The following ATP10B variants were observed in gnomAD, a reference collection of about 807,000 sequenced individuals.
The protein encoded by ATP10B is ATPase phospholipid transporting 10B (putative).
ATP10B carries 122 observed loss-of-function variants against 141.2 expected under a neutral mutation model. That is an observed-to-expected ratio of 0.86 (90% CI 0.75 to 1.00). The LOEUF (loss-of-function observed/expected upper bound fraction) is 1.00. Ranked by LOEUF, ATP10B falls within the 50% of genes least tolerant of loss-of-function variation. ATP10B has a pLI of 0.00. For synonymous variants in ATP10B, 685 were observed against 692.0 expected (o/e 0.99, Z 0.16); for missense variants, 1,876 against 1,825.3 (o/e 1.03, Z -0.51).
At chr5:160,747,958 A>C (rs1767911446) in intron 2 of ATP10B, among the ~76,000 whole-genome samples, 1 of 141,030 alleles carries the variant, frequency 7.1e-6, no homozygotes, top group Non-Finnish European at 1.5e-5. Context: ...GGCTCCCAGG[A>C]TGAAGAGGTA....
the ATP10B span, among the ~76,000 whole-genome samples, chr5:160,911,697 TAA>T: frequency 3.9e-5 from 6 of 152,336 alleles, no homozygotes; most frequent in East Asian, 1.2e-3. Context: ...CTTATGATAA[TAA>T]AGTTTCTTTT....
chr5:160,735,530 C>T (rs756755369), intron 2 of ATP10B, among the ~76,000 whole-genome samples: 2 of 151,940 alleles, frequency 1.3e-5, no homozygotes, highest in South Asian at 2.1e-4. Context: ...GAGAGATAGA[C>T]CCCAATACAA....
upstream of ATP10B, among the ~76,000 whole-genome samples, chr5:160,855,893 T>A (rs569544478): frequency 1.1e-4 from 17 of 151,782 alleles, no homozygotes; most frequent in Admixed American, 8.6e-4. Flanking sequence ...AAAAAAAAAA[T>A]TAGTTGCATA....
chr5:160,850,381 G>A (rs751996137), intron 1 of ATP10B, among the ~76,000 whole-genome samples: 13 of 152,164 alleles, frequency 8.5e-5, no homozygotes, highest in South Asian at 6.2e-4. Flanking sequence ...CTGAGATTGC[G>A]CCACTGCACG....
chr5:160,894,902 A>G, the ATP10B span, among the ~76,000 whole-genome samples: 5 of 152,258 alleles, frequency 3.3e-5, no homozygotes, highest in Admixed American at 6.5e-5. Context: ...CCAATATTCA[A>G]CATTCTTAAG....
At chr5:160,772,956 C>T (rs1770016005) in intron 2 of ATP10B, among the ~76,000 whole-genome samples, 1 of 152,240 alleles carries the variant, frequency 6.6e-6, no homozygotes, top group Non-Finnish European at 1.5e-5. Context: ...ATGGACCACA[C>T]TTAAGACAAC....
chr5:160,660,887 T>C (rs1707911844), intron 7 of ATP10B, among the ~76,000 whole-genome samples: 2 of 152,100 alleles, frequency 1.3e-5, no homozygotes, highest in Admixed American at 1.3e-4. Flanking sequence ...ACTCACAGAC[T>C]ATAAGAAATC....
chr5:160,925,168 G>A, the ATP10B span, among the ~76,000 whole-genome samples: 7 of 152,186 alleles, frequency 4.6e-5, no homozygotes, highest in African/African-American at 1.7e-4. Context: ...GGAAGGCTGT[G>A]GATTATAAGA....
chr5:160,842,263 TC>T (rs1359290206), intron 1 of ATP10B, among the ~76,000 whole-genome samples: 2 of 152,166 alleles, frequency 1.3e-5, no homozygotes, highest in Non-Finnish European at 2.9e-5. Context: ...AATGGAAGTT[TC>T]TAAAATATCT....
intron 2 of ATP10B, among the ~76,000 whole-genome samples, chr5:160,775,816 G>A (rs894704148): frequency 1.5e-4 from 23 of 151,960 alleles, no homozygotes; most frequent in Admixed American, 7.9e-4. Context: ...AAGTAGCTGG[G>A]ACTACAGGCA....
chr5:160,918,400 T>C, the ATP10B span, among the ~76,000 whole-genome samples: 2 of 152,210 alleles, frequency 1.3e-5, no homozygotes, highest in African/African-American at 4.8e-5. Context: ...AGAATTTATC[T>C]GAGCTCTGAA....
At chr5:160,895,622 A>G in the ATP10B span, among the ~76,000 whole-genome samples, 2 of 152,210 alleles carry the variant, frequency 1.3e-5, no homozygotes, top group Non-Finnish European at 2.9e-5. Flanking sequence ...CCCCACTGTC[A>G]ATATTAGACA....
intron 1 of ATP10B, among the ~76,000 whole-genome samples, chr5:160,811,208 A>C (rs1350373186): frequency 2.0e-5 from 3 of 152,036 alleles, no homozygotes; most frequent in Non-Finnish European, 4.4e-5. Context: ...CTTGGGTGAC[A>C]CTCTGAAACT....
chr5:160,869,011 G>T, the ATP10B span, among the ~76,000 whole-genome samples: 2 of 152,204 alleles, frequency 1.3e-5, no homozygotes, highest in African/African-American at 4.8e-5. Context: ...TTCTAATTTT[G>T]CTTCTGCCAT....
At chr5:160,777,359 C>A in intron 2 of ATP10B, among the ~76,000 whole-genome samples, 1 of 152,192 alleles carries the variant, frequency 6.6e-6, no homozygotes, top group East Asian at 1.9e-4. Context: ...CTGCTCAAGG[C>A]TGCCCTACCC....
the ATP10B span, among the ~76,000 whole-genome samples, chr5:160,913,022 T>C: frequency 2.0e-5 from 3 of 152,264 alleles, no homozygotes; most frequent in Admixed American, 6.5e-5. Context: ...ATGTTTCTCA[T>C]ATAACAGTCA....
chr5:160,812,020 C>CAGAGACAGAGAGAG (rs1554119636), intron 1 of ATP10B, among the ~76,000 whole-genome samples: 4 of 111,526 alleles, frequency 3.6e-5, no homozygotes, highest in South Asian at 6.3e-4. Flanking sequence ...GAGACAGAGA[C>CAGAGACAGAGAGAG]AGAGAGAGAG....
intron 24 of ATP10B, among the ~76,000 whole-genome samples, chr5:160,587,152 G>A (rs914591094): frequency 2.0e-5 from 3 of 152,186 alleles, no homozygotes; most frequent in African/African-American, 7.2e-5. Flanking sequence ...TGTATAAGGT[G>A]TAAGGAAGGG....
Position 160,701,888 on chromosome 5 carries a change from A to T in ATP10B, c.-204-12945T>A, listed in dbSNP as rs542569993. On this transcript the variant is annotated intron_variant, in intron 3 of 25. Transcript: ENST00000327245. ...CCCCTCTGCCCCAGTGCCTCCTGGG[A>T]GCAGTCATCATTCTATTCCAATGCC... Among the ~76,000 whole-genome samples, 10 of 146,810 alleles carry T rather than the reference A, an allele frequency of 6.8e-5. No homozygotes were observed. The East Asian group carries it at 2.0e-3, about 30-fold the overall frequency.
Sources: allele counts gnomAD v4.1 joint callset (sites outside exome capture counted in the v4.1 genomes callset), GRCh38; gene constraint gnomAD v4.1.1; transcripts MANE v1.5; gene names NCBI Gene and HGNC (gene_info 2026-07-23, HGNC 2026-07-21).